Variants in ROBO2 observed in about 807,000 individuals in gnomAD.
The protein encoded by ROBO2 is roundabout homolog 2.
In ROBO2, 53 loss-of-function variants were observed where a neutral mutation model predicts 160.8. The ratio of observed to expected loss-of-function variants is 0.33; its 90% CI spans 0.26 to 0.41. The LOEUF (loss-of-function observed/expected upper bound fraction) is 0.41. ROBO2 is among the 10% of genes least tolerant of loss of function. The probability of loss-of-function intolerance (pLI) is 1.00; values close to 1 mark genes in which losing one functional copy is unlikely to be tolerated. For synonymous variants in ROBO2, 664 were observed against 611.7 expected (o/e 1.09, Z -1.26); for missense variants, 1,577 against 1,722.4 (o/e 0.92, Z 1.49).
At chr3:75,987,616 A>T (rs1039355055) in intron 2 of ROBO2, among the ~76,000 whole-genome samples, 14 of 151,876 alleles carry the variant, frequency 9.2e-5, no homozygotes, top group African/African-American at 3.1e-4. Context: ...TGTATGCCTC[A>T]TTGTCTTGTT....
intron 2 of ROBO2, among the ~76,000 whole-genome samples, chr3:77,011,036 C>CTT (rs2061863211): frequency 1.9e-5 from 2 of 106,228 alleles, no homozygotes; most frequent in African/African-American, 3.9e-5. Context: ...TCGGTTCTTT[C>CTT]TTTTCTTTTC....
At chr3:76,725,725 C>A (rs903836506) in intron 2 of ROBO2, among the ~76,000 whole-genome samples, 1 of 152,098 alleles carries the variant, frequency 6.6e-6, no homozygotes, top group Admixed American at 6.6e-5. Flanking sequence ...GGCAGGTATT[C>A]TCTGTTAGGT....
chr3:76,635,750 G>T (rs186962225), intron 2 of ROBO2, among the ~76,000 whole-genome samples: 149 of 152,358 alleles, frequency 9.8e-4, no homozygotes, highest in African/African-American at 3.2e-3. Context: ...AAAACAGGGA[G>T]ATTCATGATT....
At chr3:76,615,977 A>T (rs2088551634) in intron 2 of ROBO2, among the ~76,000 whole-genome samples, 1 of 152,216 alleles carries the variant, frequency 6.6e-6, no homozygotes, top group African/African-American at 2.4e-5. Context: ...AGTCCTACAT[A>T]GTTCAGACCT....
At chr3:76,629,895 T>G (rs1192391899) in intron 2 of ROBO2, among the ~76,000 whole-genome samples, 1 of 152,146 alleles carries the variant, frequency 6.6e-6, no homozygotes, top group East Asian at 1.9e-4. Flanking sequence ...TTACCATACT[T>G]TTCTGAGAAT....
At chr3:76,893,311 A>AACACACACACAC (rs112654771) in intron 2 of ROBO2, among the ~76,000 whole-genome samples, 2 of 149,212 alleles carry the variant, frequency 1.3e-5, no homozygotes, top group Non-Finnish European at 3.0e-5. Context: ...TTTTCAAGTG[A>AACACACACACAC]ACACACACAC....
rs1051141386 is a variant in ROBO2, at chr3:76,897,191, A to C, written c.110-200823A>C. 3.3e-5 allele frequency among the ~76,000 whole-genome samples: 5 copies of C among 152,288 alleles called. No individual in the cohort carries two copies. In the East Asian group the frequency reaches 9.7e-4, roughly 29 times the overall value. On this transcript the variant is annotated intron_variant, in intron 2 of 26. Coordinates refer to the ROBO2 transcript ENST00000487694. ...TTATGATGGATCTATCAGTAGTTGA[A>C]ACAGGATTGAAATTTAGATTCACAT...
At chr3:76,146,903 T>C (rs925982895) in intron 2 of ROBO2, among the ~76,000 whole-genome samples, 48 of 145,680 alleles carry the variant, frequency 3.3e-4, no homozygotes, top group African/African-American at 4.8e-4. Context: ...CACACACACA[T>C]ACACACACAC....
chr3:76,568,040 C>T (rs929499269), intron 2 of ROBO2, among the ~76,000 whole-genome samples: 4 of 151,452 alleles, frequency 2.6e-5, no homozygotes, highest in Non-Finnish European at 5.9e-5. Context: ...GTCTCAAACT[C>T]CCGGGCTCAA....
intron 2 of ROBO2, among the ~76,000 whole-genome samples, chr3:77,294,016 G>C (rs1160158233): frequency 7.1e-6 from 1 of 140,790 alleles, no homozygotes; most frequent in Non-Finnish European, 1.5e-5. Flanking sequence ...ACTGAGGCTA[G>C]ATCACCCAGA....
At chr3:77,454,190 A>G (rs1224044423) in intron 2 of ROBO2, among the ~76,000 whole-genome samples, 1 of 151,210 alleles carries the variant, frequency 6.6e-6, no homozygotes, top group Non-Finnish European at 1.5e-5. Flanking sequence ...TTCTTTTTAA[A>G]TCTTGTCTGG....
intron 5 of ROBO2, among the ~76,000 whole-genome samples, chr3:77,507,503 C>A (rs1005042882): frequency 6.6e-5 from 10 of 152,164 alleles, no homozygotes; most frequent in African/African-American, 2.4e-4. Flanking sequence ...TGGGCTCTGC[C>A]TATCTAAAAA....
chr3:76,951,318 G>A (rs1660242495), intron 2 of ROBO2, among the ~76,000 whole-genome samples: 1 of 152,156 alleles, frequency 6.6e-6, no homozygotes, highest in Non-Finnish European at 1.5e-5. Context: ...CAAACACTCT[G>A]GTTATAACAT....
chr3:76,407,845 C>T (rs915065517), intron 2 of ROBO2, among the ~76,000 whole-genome samples: 2 of 152,004 alleles, frequency 1.3e-5, no homozygotes, highest in Non-Finnish European at 2.9e-5. Context: ...AACCCATGGC[C>T]CATGAGCCTC....
intron 1 of ROBO2, among the ~76,000 whole-genome samples, chr3:77,049,688 A>G (rs534997515): frequency 1.3e-5 from 2 of 152,218 alleles, no homozygotes; most frequent in Non-Finnish European, 2.9e-5. Flanking sequence ...GTTAACAGCC[A>G]CTTTTTAATT....
chr3:77,325,372 T>C (rs1379536143), intron 2 of ROBO2, among the ~76,000 whole-genome samples: 1 of 152,204 alleles, frequency 6.6e-6, no homozygotes, highest in Non-Finnish European at 1.5e-5. Flanking sequence ...TGTTACCTTA[T>C]AGAACGTTAG....
chr3:76,447,242 G>C (rs2077231736), intron 2 of ROBO2, among the ~76,000 whole-genome samples: 1 of 152,186 alleles, frequency 6.6e-6, no homozygotes, highest in Non-Finnish European at 1.5e-5. Context: ...GATATGAACA[G>C]ACACTTCTCA....
At chr3:77,378,101 A>G (rs547744426) in intron 2 of ROBO2, among the ~76,000 whole-genome samples, 3 of 152,322 alleles carry the variant, frequency 2.0e-5, no homozygotes, top group South Asian at 2.1e-4. Context: ...AGAAAGATTA[A>G]TATGTTCTAT....
chr3:76,108,398 A>C lies in ROBO2; in HGVS notation c.109+170796A>C, dbSNP rs980566101. Among the ~76,000 whole-genome samples the C allele has an allele frequency of 7.4e-4, 113 of 152,180 alleles. 1 individual carries two copies. Among genetic ancestry groups the C allele is most frequent in the East Asian group, 9.6e-4 (5 of 5,182 alleles). ...ATTGAATATCATCACTGTAACTCTTATATTCATATCAACAAATCTCACCAA... is the reference window on the plus strand; with the variant it reads ...ATTGAATATCATCACTGTAACTCTTCTATTCATATCAACAAATCTCACCAA... On this transcript the variant is annotated intron_variant, in intron 2 of 26. Transcript: ENST00000487694.
Sources: allele counts gnomAD v4.1 joint callset (sites outside exome capture counted in the v4.1 genomes callset), GRCh38; gene constraint gnomAD v4.1.1; transcripts MANE v1.5; gene names NCBI Gene and HGNC (gene_info 2026-07-23, HGNC 2026-07-21).